PCDH15: variants seen among roughly 807,000 people sequenced by gnomAD.
PCDH15 encodes the protein protocadherin-15.
In PCDH15, 129 loss-of-function variants were observed where a neutral mutation model predicts 178.5. That is an observed-to-expected ratio of 0.72 (90% confidence interval 0.63 to 0.84). PCDH15 has a LOEUF of 0.84. Ranked by LOEUF, PCDH15 falls within the 40% of genes least tolerant of loss-of-function variation. The probability of loss-of-function intolerance (pLI) is 0.00; values close to 1 mark genes in which losing one functional copy is unlikely to be tolerated. For synonymous variants in PCDH15, 800 were observed against 732.0 expected, an observed-to-expected ratio of 1.09 and a Z score of -1.50; for missense variants, 2,230 against 2,099.9, an observed-to-expected ratio of 1.06 and a Z score of -1.21.
At chr10:54,291,039 C>G (rs972473438) in intron 8 of PCDH15, among the ~76,000 whole-genome samples, 8 of 150,052 alleles carry the variant, frequency 5.3e-5, no homozygotes, top group African/African-American at 1.7e-4. Flanking sequence ...TTCATTTGAA[C>G]TCGCACTTAT....
intron 3 of PCDH15, among the ~76,000 whole-genome samples, chr10:54,860,168 A>T (rs1038893212): frequency 6.6e-6 from 1 of 152,036 alleles, no homozygotes; most frequent in African/African-American, 2.4e-5. Flanking sequence ...TTTATTTTAG[A>T]TTCAGGGTAC....
intron 33 of PCDH15, among the ~76,000 whole-genome samples, chr10:53,819,517 C>A (rs1345498490): frequency 6.6e-6 from 1 of 151,910 alleles, no homozygotes; most frequent in African/African-American, 2.4e-5. Context: ...AATATCGATG[C>A]ACCTCTTTAT....
chr10:55,062,817 G>T (rs778052260), intron 2 of PCDH15, among the ~76,000 whole-genome samples: 1 of 152,104 alleles, frequency 6.6e-6, no homozygotes, highest in Non-Finnish European at 1.5e-5. Context: ...GGTAATAGTG[G>T]AGGTTGTGCA....
intron 24 of PCDH15, among the ~76,000 whole-genome samples, chr10:53,939,801 A>G (rs1471658649): frequency 6.6e-6 from 1 of 152,152 alleles, no homozygotes; most frequent in African/African-American, 2.4e-5. Context: ...ACAGACGTTA[A>G]TAAATATAGC....
At chr10:54,912,196 A>AT (rs1194474720) in intron 2 of PCDH15, among the ~76,000 whole-genome samples, 1 of 152,114 alleles carries the variant, frequency 6.6e-6, no homozygotes, top group African/African-American at 2.4e-5. Flanking sequence ...ATAAATGCTA[A>AT]TTCAGTTAAG....
At chr10:54,820,678 T>C (rs965026161) in intron 3 of PCDH15, among the ~76,000 whole-genome samples, 3 of 152,062 alleles carry the variant, frequency 2.0e-5, no homozygotes, top group Non-Finnish European at 4.4e-5. Flanking sequence ...CATAAAGCAA[T>C]GCGTAGTTAA....
At chr10:54,765,254 T>A (rs1948368220) in intron 1 of PCDH15, among the ~76,000 whole-genome samples, 2 of 152,150 alleles carry the variant, frequency 1.3e-5, no homozygotes, top group Admixed American at 1.3e-4. Flanking sequence ...TTTACTCTGT[T>A]GAGCTAAATA....
At chr10:54,436,366 T>C (rs1189491788) in intron 3 of PCDH15, among the ~76,000 whole-genome samples, 1 of 152,002 alleles carries the variant, frequency 6.6e-6, no homozygotes, top group Non-Finnish European at 1.5e-5. Flanking sequence ...GTGACCTTAA[T>C]ATGCAATGTG....
chr10:54,120,211 A>G lies in PCDH15; in HGVS notation c.1917+12664T>C, dbSNP rs147567972. ...GAAGTAAAATATTTTCCTGACAAGC[A>G]CGTACTAAGAATATTTGTTACCACT... On this transcript the variant is annotated intron_variant, in intron 15 of 37. Coordinates refer to ENST00000644397, the MANE Select transcript of PCDH15 (RefSeq NM_001384140.1). Among the ~76,000 whole-genome samples the G allele has an allele frequency of 4.3e-3, 654 of 152,302 alleles. 1 individual carries two copies. Among genetic ancestry groups the G allele is most frequent in the Middle Eastern group, 0.01 (3 of 294 alleles).
rs558294616 is a variant in PCDH15 at position 53,908,765 on chromosome 10, T to A, written c.3374-5395A>T. Reference sequence around the variant, plus strand: ...TTGTTACGTATCGTTGCCTAACACATTAAATGATTTTTAAAATTGTTATCA... The same window carrying A: ...TTGTTACGTATCGTTGCCTAACACAATAAATGATTTTTAAAATTGTTATCA... On this transcript the variant is annotated intron_variant, in intron 25 of 37. Transcript: ENST00000644397. 1.2e-4 allele frequency among the ~76,000 whole-genome samples: 18 copies of A among 152,338 alleles called. No individual in the cohort carries two copies. The East Asian group carries it at 2.5e-3, about 21-fold the overall frequency.
chr10:54,870,880 G>A (rs1954026682), intron 3 of PCDH15, among the ~76,000 whole-genome samples: 1 of 152,060 alleles, frequency 6.6e-6, no homozygotes, highest in Admixed American at 6.6e-5. Context: ...ACTCAACTAG[G>A]ATGTAAGGAC....
At chr10:55,108,892 A>G (rs1431796014) in intron 2 of PCDH15, among the ~76,000 whole-genome samples, 1 of 152,170 alleles carries the variant, frequency 6.6e-6, no homozygotes, top group Non-Finnish European at 1.5e-5. Flanking sequence ...ATGAAAGAAA[A>G]GAGAACAGAT....
chr10:54,046,699 T>C (rs1297355752), intron 18 of PCDH15, among the ~76,000 whole-genome samples: 1 of 152,146 alleles, frequency 6.6e-6, no homozygotes, highest in East Asian at 1.9e-4. Context: ...TGAAGAAAGA[T>C]TTTCTGGTGA....
intron 26 of PCDH15, among the ~76,000 whole-genome samples, chr10:53,880,082 C>A (rs1014431413): frequency 2.0e-5 from 3 of 152,284 alleles, no homozygotes; most frequent in Middle Eastern, 3.4e-3. Flanking sequence ...ATATTTTGTA[C>A]TCCAATGCAG....
Position 54,961,538 on chromosome 10 carries a change from C to CT in PCDH15, c.-79-64039_-79-64038insA, listed in dbSNP as rs1838654979. On this transcript the variant is annotated intron_variant, in intron 2 of 5. Transcript: ENST00000458638. ...ACTTATGCTGATTTTTCCAGGCCCA[C>CT]CCATGGCTGCCCATGGACCAATCAG... Among the ~76,000 whole-genome samples, 7 of 152,308 alleles carry CT rather than the reference C, an allele frequency of 4.6e-5. No individual in the cohort carries two copies. In the South Asian group the frequency reaches 1.5e-3, roughly 32 times the overall value.
rs1244949320 is a variant in PCDH15, at chr10:54,765,470, G to T, written c.-29+35455C>A. ...AGAAAAAACTGGAATATTAGCTCCAGGAGAGCAAAAACTTTTGTCTTTTAT... is the reference window on the plus strand; with the variant it reads ...AGAAAAAACTGGAATATTAGCTCCATGAGAGCAAAAACTTTTGTCTTTTAT... On this transcript the variant is annotated intron_variant, in intron 1 of 37. Transcript: ENST00000644397. 2.0e-5 allele frequency among the ~76,000 whole-genome samples: 3 copies of T among 152,108 alleles called. No homozygotes were observed. The East Asian group carries it at 5.8e-4, about 29-fold the overall frequency.
At chr10:55,512,907 G>C (rs182506919) in intron 2 of PCDH15, 1 of 152,170 alleles carries the variant, frequency 6.6e-6, no homozygotes, top group East Asian at 1.9e-4. Flanking sequence ...GCAATTAAGG[G>C]AGAAATAAAT....
chr10:54,663,539 T>G (rs1419792342), intron 2 of PCDH15, among the ~76,000 whole-genome samples: 2 of 150,894 alleles, frequency 1.3e-5, no homozygotes, highest in South Asian at 4.2e-4. Flanking sequence ...AATTGGGCCA[T>G]TGCAAACATC....
intron 2 of PCDH15, among the ~76,000 whole-genome samples, chr10:55,418,976 G>A (rs186303488): frequency 4.5e-4 from 68 of 151,700 alleles, no homozygotes; most frequent in African/African-American, 1.6e-3. Flanking sequence ...TAATATCTAC[G>A]TATTATATTT....
Sources: allele counts gnomAD v4.1 joint callset (sites outside exome capture counted in the v4.1 genomes callset), GRCh38; gene constraint gnomAD v4.1.1; transcripts MANE v1.5; gene names NCBI Gene and HGNC (gene_info 2026-07-23, HGNC 2026-07-21).